Variants in USP47 observed in about 807,000 individuals in gnomAD.
USP47 encodes the protein ubiquitin specific peptidase 47.
A neutral mutation model predicts 165.1 loss-of-function variants in USP47; 35 were observed. The ratio of observed to expected loss-of-function variants is 0.21; its 90% CI spans 0.16 to 0.28. The LOEUF is 0.28. Ranked by LOEUF, USP47 falls within the 10% of genes least tolerant of loss-of-function variation. USP47 has a pLI of 1.00. For synonymous variants in USP47, 531 were observed against 544.5 expected (o/e 0.98, Z 0.35); for missense variants, 1,277 against 1,607.4 (o/e 0.79, Z 3.52).
At chr11:11,843,543 T>C (rs1375638688) in intron 1 of USP47, among the ~76,000 whole-genome samples, 3 of 152,206 alleles carry the variant, frequency 2.0e-5, no homozygotes, top group African/African-American at 7.2e-5. Flanking sequence ...TAAGTAATTC[T>C]TATGCAAGGA....
intron 3 of USP47, among the ~76,000 whole-genome samples, chr11:11,889,015 A>G (rs1275169063): frequency 6.6e-6 from 1 of 152,192 alleles, no homozygotes; most frequent in Non-Finnish European, 1.5e-5. Context: ...TTCATGTTAA[A>G]AACTCTGAAT....
At chr11:11,938,674 C>T (rs560747963) in intron 18 of USP47, among the ~76,000 whole-genome samples, 2 of 152,034 alleles carry the variant, frequency 1.3e-5, no homozygotes, top group South Asian at 4.2e-4. Flanking sequence ...AGTTTGGGCT[C>T]CTTTTTGGCG....
intron 1 of USP47, among the ~76,000 whole-genome samples, chr11:11,867,246 T>C (rs992978811): frequency 1.3e-5 from 2 of 152,268 alleles, no homozygotes; most frequent in Non-Finnish European, 2.9e-5. Flanking sequence ...CTGCTTGAGA[T>C]TTGTTGAGAT....
intron 1 of USP47, among the ~76,000 whole-genome samples, chr11:11,876,871 C>G (rs764551429): frequency 4.6e-5 from 7 of 151,992 alleles, no homozygotes; most frequent in Non-Finnish European, 1.0e-4. Context: ...GTCACATTCT[C>G]TTGGTCTTAG....
At chr11:11,915,438 T>C (rs957073926) in intron 8 of USP47, among the ~76,000 whole-genome samples, 1 of 152,146 alleles carries the variant, frequency 6.6e-6, no homozygotes, top group Non-Finnish European at 1.5e-5. Context: ...GTTGAATATA[T>C]GAACCTCTAC....
At chr11:11,916,335 G>T (rs1853417692) in intron 8 of USP47, among the ~76,000 whole-genome samples, 1 of 152,090 alleles carries the variant, frequency 6.6e-6, no homozygotes, top group Non-Finnish European at 1.5e-5. Flanking sequence ...TATATGGGGA[G>T]CAGTAAGATC....
At chr11:11,937,546 A>G (rs140663782) in intron 17 of USP47, among the ~76,000 whole-genome samples, 1 of 151,326 alleles carries the variant, frequency 6.6e-6, no homozygotes, top group Non-Finnish European at 1.5e-5. Context: ...CCCTATCTAT[A>G]AAGAGTCCCT....
chr11:11,878,087 A>T (rs1050265713), intron 1 of USP47, among the ~76,000 whole-genome samples: 1 of 152,062 alleles, frequency 6.6e-6, no homozygotes, highest in Non-Finnish European at 1.5e-5. Flanking sequence ...TAGTCTTTAG[A>T]TAGGATTTCA....
At chr11:11,940,907 T>G (rs1235955083) in intron 19 of USP47, among the ~76,000 whole-genome samples, 2 of 151,916 alleles carry the variant, frequency 1.3e-5, no homozygotes, top group Admixed American at 1.3e-4. Flanking sequence ...TGGATTGTGT[T>G]TATTCTTGAG....
chr11:11,893,249 T>C (rs1435682929), intron 4 of USP47, among the ~76,000 whole-genome samples: 1 of 152,180 alleles, frequency 6.6e-6, no homozygotes, highest in African/African-American at 2.4e-5. Context: ...ATGTTTTATG[T>C]TGAAGGAAAT....
intron 1 of USP47, among the ~76,000 whole-genome samples, chr11:11,861,026 C>A (rs1849349997): frequency 6.6e-6 from 1 of 152,126 alleles, no homozygotes. Flanking sequence ...TTCTCAATTT[C>A]TTTTTCTTCA....
Position 11,897,618 on chromosome 11 carries a change from A to G in USP47, c.518A>G (p.Gln173Arg). Residue 173 changes from glutamine to arginine, a missense_variant, in exon 5 of 28, where the codon CAA (glutamine) becomes CGA (arginine). Gln to Arg is a conservative substitution (Grantham distance 43). Around this residue, in one of 4 missense-constraint regions of USP47, gnomAD observed 12 missense variants for 48.8 expected, o/e 0.25. Coordinates refer to ENST00000527733, the MANE Select transcript of USP47 (RefSeq NM_001282659.2). ...AAAGGATATGTGGGACTAGTAAACC[A>G]AGCAATGACTTGCTATTTGAATAGC... is the stretch of plus-strand genomic sequence containing the variant. Reference protein sequence around the residue: ...SETGYVGLVNQAMTCYLNSLL... With the variant: ...SETGYVGLVNRAMTCYLNSLL... 6.2e-7 allele frequency: 1 copy of G among 1,610,592 alleles called. No homozygotes were observed. Among genetic ancestry groups the G allele is most frequent in the Non-Finnish European group, 8.5e-7 (1 of 1,178,088 alleles).
chr11:11,928,109 T>C (rs982330560), intron 11 of USP47, among the ~76,000 whole-genome samples: 1 of 152,062 alleles, frequency 6.6e-6, no homozygotes, highest in African/African-American at 2.4e-5. Context: ...TAGCTGTTGG[T>C]TGGCAGACTT....
chr11:11,936,475 A>G lies in USP47; in HGVS notation c.2042A>G (p.Lys681Arg), dbSNP rs746665626. ...TTTGATCTGCTGTTGGAGACGAGAAAGCCTGATCAGGTTTTCCAATCTTAT... is the reference window on the plus strand; with the variant it reads ...TTTGATCTGCTGTTGGAGACGAGAAGGCCTGATCAGGTTTTCCAATCTTAT... ...YMFDLLLETR[K>R]PDQVFQSYKP... Residue 681 changes from lysine (K) to arginine (R), a missense_variant, in exon 17 of 28, where the codon AAG becomes AGG. By Grantham distance (26) the Lys-to-Arg change is conservative. Coordinates refer to ENST00000527733, the MANE Select transcript of USP47 (RefSeq NM_001282659.2). The G allele has an allele frequency of 3.8e-6, 6 of 1,597,624 alleles. No homozygotes were observed. The Admixed American group carries it at 8.4e-5, about 22-fold the overall frequency.
chr11:11,941,623 C>G (rs779753890), intron 19 of USP47, among the ~76,000 whole-genome samples: 7 of 152,046 alleles, frequency 4.6e-5, no homozygotes, highest in Non-Finnish European at 1.0e-4. Flanking sequence ...TAACCACCTA[C>G]TTCGCCCAGA....
chr11:11,880,912 T>C (rs2134308307), intron 2 of USP47, among the ~76,000 whole-genome samples: 1 of 152,316 alleles, frequency 6.6e-6, no homozygotes, highest in East Asian at 1.9e-4. Flanking sequence ...TATGAACATG[T>C]GTAGCTTTTG....
intron 4 of USP47, among the ~76,000 whole-genome samples, chr11:11,892,757 A>G (rs1176425253): frequency 6.7e-6 from 1 of 148,434 alleles, no homozygotes; most frequent in African/African-American, 2.5e-5. Context: ...TCTAGGTTGC[A>G]GTGAGCCATG....
intron 2 of USP47, among the ~76,000 whole-genome samples, chr11:11,884,072 T>A (rs1421714482): frequency 6.6e-6 from 1 of 152,178 alleles, no homozygotes; most frequent in Non-Finnish European, 1.5e-5. Flanking sequence ...AACATTTTGG[T>A]TTTTAGTTAT....
At chr11:11,860,987 A>C (rs1355129955) in intron 1 of USP47, among the ~76,000 whole-genome samples, 1 of 152,238 alleles carries the variant, frequency 6.6e-6, no homozygotes, top group South Asian at 2.1e-4. Context: ...CCTGTGTTCA[A>C]ATGTGACGTT....
Sources: gnomAD v4.1 joint callset for allele counts (sites outside exome capture counted in the v4.1 genomes callset) on GRCh38, gnomAD v4.1.1 for gene constraint, gnomAD v4.1.1 regional missense constraint, MANE v1.5 for transcripts, NCBI Gene and HGNC (gene_info 2026-07-23, HGNC 2026-07-21) for gene names.